MIPEP: variants seen among roughly 807,000 people sequenced by gnomAD.
MIPEP encodes the protein mitochondrial intermediate peptidase.
A neutral mutation model predicts 90.3 loss-of-function variants in MIPEP; 79 were observed. That is an observed-to-expected ratio of 0.87 (90% CI 0.73 to 1.05). The LOEUF (loss-of-function observed/expected upper bound fraction) is 1.05, where lower values mean the gene tolerates loss of function less well. Among genes scored for constraint, MIPEP ranks in the 50% least tolerant of loss-of-function variants. The probability of loss-of-function intolerance (pLI) is 0.00; values close to 1 mark genes in which losing one functional copy is unlikely to be tolerated. For missense variants in MIPEP, 940 were observed against 905.6 expected (o/e 1.04, Z -0.49); for synonymous variants, 334 against 315.8 (o/e 1.06, Z -0.61).
At chr13:23,804,799 T>G (rs1953087869) in intron 16 of MIPEP, among the ~76,000 whole-genome samples, 1 of 152,240 alleles carries the variant, frequency 6.6e-6, no homozygotes, top group South Asian at 2.1e-4. Context: ...TAGCACAACA[T>G]ATTCTGCTAT....
intron 14 of MIPEP, among the ~76,000 whole-genome samples, chr13:23,830,146 T>C (rs1467115523): frequency 6.6e-6 from 1 of 152,188 alleles, no homozygotes; most frequent in Non-Finnish European, 1.5e-5. Context: ...CAGTATCACA[T>C]GAACTAGCAA....
rs760760349 is a variant in MIPEP, at chr13:23,806,010, G to A, written c.1788C>T (p.Thr596=). Reference sequence around the variant, plus strand: ...CTTGTGTTTCCTTGAGAATGTCTGTGGTTGAATTCCTCAGGGGATGCTTCC... The same window carrying A: ...CTTGTGTTTCCTTGAGAATGTCTGTAGTTGAATTCCTCAGGGGATGCTTCC... ...YHGKHPLRNS[T]TDILKETQEK... is the part of the protein sequence containing the mutation. Residue 596 remains threonine (T), a synonymous_variant, in exon 16 of 19, where the codon ACC becomes ACT. Coordinates refer to ENST00000382172, the MANE Select transcript of MIPEP (RefSeq NM_005932.4). 36 of 1,613,660 alleles carry A rather than the reference G, an allele frequency of 2.2e-5. No homozygotes were observed. Among genetic ancestry groups the A allele is most frequent in the Admixed American group, 8.3e-5 (5 of 59,984 alleles).
intron 10 of MIPEP, among the ~76,000 whole-genome samples, chr13:23,855,338 A>T (rs1022435522): frequency 1.3e-5 from 2 of 152,162 alleles, no homozygotes; most frequent in Admixed American, 1.3e-4. Flanking sequence ...AAACATGTTA[A>T]TTTCTCCTCC....
In MIPEP at chr13:23,870,120, T is replaced by C. The variant is rs771946643; in HGVS notation, c.679A>G (p.Asn227Asp). 10 of 1,612,522 alleles carry C rather than the reference T, an allele frequency of 6.2e-6. No individual in the cohort carries two copies. Among genetic ancestry groups the C allele is most frequent in the South Asian group, 2.2e-5 (2 of 90,842 alleles). Residue 227 changes from asparagine (N) to aspartate (D), a missense_variant, in exon 6 of 19, where the codon AAC becomes GAC. Physicochemically the swap from Asn to Asp is conservative, Grantham distance 23. Transcript: ENST00000382172. ...GGTAAGAGATGCTTCTCAATCTTGTTGGGAAAATTGGTTCCCATAAGAAAT... is the reference window on the plus strand; with the variant it reads ...GGTAAGAGATGCTTCTCAATCTTGTCGGGAAAATTGGTTCCCATAAGAAAT... ...STFLMGTNFP[N>D]KIEKHLLPEH...
intron 16 of MIPEP, among the ~76,000 whole-genome samples, chr13:23,764,287 G>A (rs58986842): frequency 4.6e-4 from 70 of 152,284 alleles, no homozygotes; most frequent in African/African-American, 1.5e-3. Context: ...AAAACTTGGA[G>A]CCAGCAAAGC....
intron 16 of MIPEP, among the ~76,000 whole-genome samples, chr13:23,802,630 G>T (rs1409079012): frequency 6.6e-6 from 1 of 151,464 alleles, no homozygotes; most frequent in Non-Finnish European, 1.5e-5. Context: ...CATTGAATTT[G>T]TCAGTCTTTT....
At chr13:23,811,684 A>C (rs923493615) in intron 14 of MIPEP, among the ~76,000 whole-genome samples, 1 of 152,190 alleles carries the variant, frequency 6.6e-6, no homozygotes, top group African/African-American at 2.4e-5. Flanking sequence ...TGGAACCTAA[A>C]GAACTGGTCT....
intron 9 of MIPEP, among the ~76,000 whole-genome samples, chr13:23,861,169 A>G (rs1296283061): frequency 6.6e-6 from 1 of 152,192 alleles, no homozygotes; most frequent in Non-Finnish European, 1.5e-5. Flanking sequence ...ACCATTCACC[A>G]AAGCAGGGAC....
At chr13:23,805,279 G>A (rs1953095052) in intron 16 of MIPEP, among the ~76,000 whole-genome samples, 1 of 152,148 alleles carries the variant, frequency 6.6e-6, no homozygotes, top group South Asian at 2.1e-4. Context: ...GAGCCTTTGA[G>A]TGATGAAAAA....
intron 18 of MIPEP, among the ~76,000 whole-genome samples, chr13:23,747,890 G>A (rs1952401228): frequency 6.6e-6 from 1 of 152,186 alleles, no homozygotes; most frequent in African/African-American, 2.4e-5. Flanking sequence ...ACCGGCGTAT[G>A]CCACCATGCC....
chr13:23,831,159 G>A (rs1868717578), intron 14 of MIPEP, among the ~76,000 whole-genome samples: 1 of 152,068 alleles, frequency 6.6e-6, no homozygotes, highest in South Asian at 2.1e-4. Flanking sequence ...AGTGGGATGG[G>A]AACAGAACCT....
intron 4 of MIPEP, among the ~76,000 whole-genome samples, chr13:23,877,472 G>A (rs1029937037): frequency 2.0e-5 from 3 of 152,102 alleles, no homozygotes; most frequent in African/African-American, 7.2e-5. Flanking sequence ...AGCTCTTAAT[G>A]GCTTTGGAAA....
intron 16 of MIPEP, among the ~76,000 whole-genome samples, chr13:23,789,435 G>C (rs1024922865): frequency 6.6e-6 from 1 of 152,118 alleles, no homozygotes; most frequent in Admixed American, 6.5e-5. Context: ...CAGTAAAATA[G>C]AGTAACAGAA....
intron 14 of MIPEP, among the ~76,000 whole-genome samples, chr13:23,812,122 G>A (rs1953178478): frequency 6.6e-6 from 1 of 152,124 alleles, no homozygotes; most frequent in African/African-American, 2.4e-5. Context: ...GCAACAGCAG[G>A]TGTCTGCCCC....
At chr13:23,741,895 AAATT>A (rs1322657358) in intron 18 of MIPEP, among the ~76,000 whole-genome samples, 7 of 152,204 alleles carry the variant, frequency 4.6e-5, no homozygotes, top group Admixed American at 1.3e-4. Flanking sequence ...GACTTAGTAG[AAATT>A]AATTAATTAA....
chr13:23,870,185 G>A lies in MIPEP; in HGVS notation c.614C>T (p.Ala205Val). 1.3e-6 allele frequency: 2 copies of A among 1,597,482 alleles called. No homozygotes were observed. Among genetic ancestry groups the A allele is most frequent in the Non-Finnish European group, 1.7e-6 (2 of 1,171,388 alleles). ...IHLDKEKRKR[A>V]VDLNVKILDL... ...CAAGATTTTAACATTGAGGTCCACT[G>A]CTCTTTTACGCTGTATGCAGGAGGA... Residue 205 changes from alanine to valine, a missense_variant, in exon 6 of 19, where the codon GCA becomes GTA. By Grantham distance (64) the Ala-to-Val change is moderately conservative (BLOSUM62 0). Coordinates refer to ENST00000382172, the MANE Select transcript of MIPEP (RefSeq NM_005932.4).
At position 23,869,300 on chromosome 13, in the gene MIPEP, T is replaced by C; in HGVS notation, c.935A>G (p.Lys312Arg). ...SHRALQGTIA[K>R]NPETVMQFLE... Reference sequence around the variant, plus strand: ...TGGATAAACAGGCTTACCTGGATTTTTAGCTATCGTTCCTTGGAGAGCCCT... The same window carrying C: ...TGGATAAACAGGCTTACCTGGATTTCTAGCTATCGTTCCTTGGAGAGCCCT... The change falls in exon 7 of 19, where the codon AAA becomes AGA. Residue 312 changes from lysine to arginine, a missense_variant. Lys to Arg is a conservative substitution (Grantham distance 26). Transcript: ENST00000382172. 3 of 1,591,368 alleles carry C rather than the reference T, an allele frequency of 1.9e-6. No homozygotes were observed. Among genetic ancestry groups the C allele is most frequent in the Non-Finnish European group, 2.6e-6 (3 of 1,172,970 alleles).
chr13:23,768,871 A>G (rs537491789), intron 16 of MIPEP, among the ~76,000 whole-genome samples: 423 of 152,368 alleles, frequency 2.8e-3, no homozygotes, highest in Non-Finnish European at 4.7e-3. Context: ...GTAATATTAA[A>G]AAACCCCTGG....
At chr13:23,819,304 G>C (rs935736486) in intron 14 of MIPEP, among the ~76,000 whole-genome samples, 1 of 152,194 alleles carries the variant, frequency 6.6e-6, no homozygotes. Flanking sequence ...CTGAAAATAG[G>C]AGATCGCAGT....
Sources: gnomAD v4.1 joint callset for allele counts (sites outside exome capture counted in the v4.1 genomes callset) on GRCh38, gnomAD v4.1.1 for gene constraint, MANE v1.5 for transcripts, NCBI Gene and HGNC (gene_info 2026-07-23, HGNC 2026-07-21) for gene names.